Variants in REDIC1 observed in about 807,000 individuals in gnomAD.
REDIC1 encodes HEI10 Interacting Protein 1.
At chr12:39,649,817 A>C in the REDIC1 span, among the ~76,000 whole-genome samples, 1 of 152,014 alleles carries the variant, frequency 6.6e-6, no homozygotes, top group African/African-American at 2.4e-5. Flanking sequence ...GATATTCAGA[A>C]AAATTAAAGT....
At chr12:39,713,333 T>C in the REDIC1 span, among the ~76,000 whole-genome samples, 172 of 143,630 alleles carry the variant, frequency 1.2e-3, 3 homozygotes, top group East Asian at 0.016. Flanking sequence ...TATACACATA[T>C]ACGTGTATAT....
At chr12:39,894,835 A>G in the REDIC1 span, among the ~76,000 whole-genome samples, 1 of 152,234 alleles carries the variant, frequency 6.6e-6, no homozygotes, top group African/African-American at 2.4e-5. Context: ...AGAGGGAAAG[A>G]AAGCAAAAAG....
the REDIC1 span, among the ~76,000 whole-genome samples, chr12:39,887,256 A>G: frequency 6.6e-6 from 1 of 152,242 alleles, no homozygotes; most frequent in Admixed American, 6.5e-5. Context: ...CATAAAATAC[A>G]AAAGTCATAC....
chr12:39,746,562 A>G, the REDIC1 span, among the ~76,000 whole-genome samples: 3 of 152,216 alleles, frequency 2.0e-5, no homozygotes, highest in African/African-American at 7.2e-5. Flanking sequence ...CCTGTCTGAC[A>G]GCTTTGAAGA....
At chr12:39,704,159 T>C in the REDIC1 span, among the ~76,000 whole-genome samples, 1 of 151,254 alleles carries the variant, frequency 6.6e-6, no homozygotes, top group Non-Finnish European at 1.5e-5. Flanking sequence ...GGAGAAAATT[T>C]TCGCATCCTA....
the REDIC1 span, among the ~76,000 whole-genome samples, chr12:39,743,188 T>G: frequency 6.6e-6 from 1 of 152,170 alleles, no homozygotes; most frequent in Non-Finnish European, 1.5e-5. Context: ...CAGCCTAACT[T>G]ACTAGGGTTT....
At chr12:39,678,965 A>G in the REDIC1 span, among the ~76,000 whole-genome samples, 1 of 152,312 alleles carries the variant, frequency 6.6e-6, no homozygotes, top group East Asian at 1.9e-4. Context: ...AATAAAAGCC[A>G]TCTATGACAC....
At chr12:39,665,915 T>C in the REDIC1 span, among the ~76,000 whole-genome samples, 118,288 of 151,916 alleles carry the variant, frequency 0.78, 46,671 homozygotes, top group Non-Finnish European at 0.84. Flanking sequence ...TTTTGCACAT[T>C]GATTTTGTAT....
chr12:39,847,738 G>T, the REDIC1 span, among the ~76,000 whole-genome samples: 27 of 152,050 alleles, frequency 1.8e-4, no homozygotes, highest in African/African-American at 6.0e-4. Flanking sequence ...TTAAGCCACT[G>T]TTATTTTGGG....
chr12:39,875,847 A>G, the REDIC1 span, among the ~76,000 whole-genome samples: 1 of 152,206 alleles, frequency 6.6e-6, no homozygotes, highest in African/African-American at 2.4e-5. Context: ...CCATTTAAGT[A>G]ATGGGCTACC....
chr12:39,751,928 G>C, the REDIC1 span, among the ~76,000 whole-genome samples: 2 of 152,278 alleles, frequency 1.3e-5, no homozygotes. Context: ...GGGAGGGAAA[G>C]CATTAGGAGA....
At chr12:39,820,558 T>C in the REDIC1 span, among the ~76,000 whole-genome samples, 4 of 152,124 alleles carry the variant, frequency 2.6e-5, no homozygotes, top group East Asian at 7.7e-4. Context: ...GGATACCAAA[T>C]GATGTGTACA....
At chr12:39,751,450 G>A in the REDIC1 span, among the ~76,000 whole-genome samples, 4 of 152,176 alleles carry the variant, frequency 2.6e-5, no homozygotes, top group African/African-American at 9.7e-5. Flanking sequence ...TTACACTGTT[G>A]GTGGGACTGT....
the REDIC1 span, among the ~76,000 whole-genome samples, chr12:39,633,908 A>G: frequency 6.6e-6 from 1 of 152,318 alleles, no homozygotes; most frequent in East Asian, 1.9e-4. Flanking sequence ...ATTTATATTA[A>G]AAAGTTTGTT....
the REDIC1 span, among the ~76,000 whole-genome samples, chr12:39,900,413 T>C: frequency 1.0e-3 from 157 of 152,246 alleles, no homozygotes; most frequent in South Asian, 4.8e-3. Context: ...TGTTTGCAGA[T>C]GACATGATCG....
chr12:39,762,435 T>C, the REDIC1 span, among the ~76,000 whole-genome samples: 1 of 119,562 alleles, frequency 8.4e-6, no homozygotes, highest in Admixed American at 8.8e-5. Flanking sequence ...GAGAGAAGCT[T>C]TGACATAATG....
the REDIC1 span, among the ~76,000 whole-genome samples, chr12:39,899,329 C>T: frequency 1.3e-5 from 2 of 152,048 alleles, no homozygotes; most frequent in African/African-American, 4.8e-5. Flanking sequence ...GTGGTGATAT[C>T]CCCTTTATCA....
the REDIC1 span, among the ~76,000 whole-genome samples, chr12:39,899,312 G>A: frequency 1.3e-5 from 2 of 152,132 alleles, no homozygotes; most frequent in East Asian, 3.8e-4. Context: ...GTATTTCTGT[G>A]GGATTGGTGG....
chr12:39,863,930 C>T, the REDIC1 span, among the ~76,000 whole-genome samples: 2 of 152,260 alleles, frequency 1.3e-5, no homozygotes, highest in African/African-American at 2.4e-5. Flanking sequence ...ATCATTTACT[C>T]ATTGATTTGA....
Sources: gnomAD v4.1 joint callset for allele counts (sites outside exome capture counted in the v4.1 genomes callset) on GRCh38, gnomAD v4.1.1 for gene constraint, MANE v1.5 for transcripts, NCBI Gene and HGNC (gene_info 2026-07-23, HGNC 2026-07-21) for gene names.